Variants in NKAIN3 observed in about 807,000 individuals in gnomAD.
NKAIN3 encodes the protein sodium/potassium-transporting ATPase subunit beta-1-interacting protein 3.
In NKAIN3, 25 loss-of-function variants were observed where a neutral mutation model predicts 30.2. The ratio of observed to expected loss-of-function variants is 0.83; its 90% CI spans 0.60 to 1.16. The LOEUF is 1.16. Ranked by LOEUF, NKAIN3 falls within the 50% of genes most tolerant of loss-of-function variation. The pLI is 0.00. For synonymous variants in NKAIN3, 91 were observed against 89.6 expected (o/e 1.02, Z -0.09); for missense variants, 225 against 254.1 (o/e 0.89, Z 0.78).
At chr8:62,723,560 G>A (rs1356252358) in intron 3 of NKAIN3, among the ~76,000 whole-genome samples, 1 of 152,098 alleles carries the variant, frequency 6.6e-6, no homozygotes, top group African/African-American at 2.4e-5. Flanking sequence ...GAAACTGCAG[G>A]TGTTTAAAAC....
chr8:62,593,285 AATC>A (rs573381307), intron 3 of NKAIN3, among the ~76,000 whole-genome samples: 46 of 152,106 alleles, frequency 3.0e-4, no homozygotes, highest in Middle Eastern at 6.8e-3. Context: ...ATAATTCACA[AATC>A]AAAGAAGAAA....
intron 4 of NKAIN3, among the ~76,000 whole-genome samples, chr8:62,830,486 C>A (rs950130276): frequency 6.6e-6 from 1 of 152,170 alleles, no homozygotes; most frequent in East Asian, 1.9e-4. Context: ...TAGACTCCTG[C>A]ACATTATAAG....
intron 4 of NKAIN3, among the ~76,000 whole-genome samples, chr8:62,814,436 C>T (rs1464541463): frequency 6.6e-6 from 1 of 151,812 alleles, no homozygotes; most frequent in Non-Finnish European, 1.5e-5. Flanking sequence ...ACATTTTTTT[C>T]AGCACCATGC....
chr8:62,505,524 T>C (rs1271249501), intron 1 of NKAIN3, among the ~76,000 whole-genome samples: 1 of 152,154 alleles, frequency 6.6e-6, no homozygotes, highest in Admixed American at 6.5e-5. Flanking sequence ...AGCATGGTTT[T>C]ATATGACTGT....
chr8:62,788,164 A>C (rs1268891867), intron 4 of NKAIN3, among the ~76,000 whole-genome samples: 1 of 152,198 alleles, frequency 6.6e-6, no homozygotes, highest in African/African-American at 2.4e-5. Context: ...ACAGTGTAAA[A>C]GTGTTCCTAT....
intron 1 of NKAIN3, among the ~76,000 whole-genome samples, chr8:62,427,477 G>A (rs995390983): frequency 6.6e-5 from 10 of 151,892 alleles, no homozygotes; most frequent in Non-Finnish European, 1.3e-4. Context: ...AAAATGTTCT[G>A]AAAGAAAATT....
At chr8:62,865,719 A>G (rs191080014) in intron 4 of NKAIN3, among the ~76,000 whole-genome samples, 181 of 152,350 alleles carry the variant, frequency 1.2e-3, no homozygotes, top group African/African-American at 4.2e-3. Context: ...AGTTGGAACC[A>G]AGAAATAGCA....
At chr8:62,489,825 C>A (rs905032189) in intron 1 of NKAIN3, among the ~76,000 whole-genome samples, 1 of 152,114 alleles carries the variant, frequency 6.6e-6, no homozygotes, top group Non-Finnish European at 1.5e-5. Context: ...TTGGTGGATA[C>A]GTGGAGCAGT....
intron 1 of NKAIN3, among the ~76,000 whole-genome samples, chr8:62,389,437 GA>G (rs1410124309): frequency 6.6e-6 from 1 of 152,142 alleles, no homozygotes. Flanking sequence ...GCCAAAGTAG[GA>G]AATGAAAAGA....
At position 62,545,672 on chromosome 8, in the gene NKAIN3, A is replaced by C. The variant is rs910040195; in HGVS notation, c.55-33867A>C. 1.5e-4 allele frequency among the ~76,000 whole-genome samples: 23 copies of C among 152,318 alleles called. No homozygotes were observed. The South Asian group carries it at 1.9e-3, about 12-fold the overall frequency. On this transcript the variant is annotated intron_variant, in intron 1 of 6. Coordinates refer to ENST00000623646, the MANE Select transcript of NKAIN3 (RefSeq NM_001304533.3). Reference sequence around the variant, plus strand: ...AGACTGCATGGAATTGATGTGCAATAATTTATGTAAAAACTCTCCAATTGA... The same window carrying C: ...AGACTGCATGGAATTGATGTGCAATCATTTATGTAAAAACTCTCCAATTGA...
At chr8:62,550,118 A>C (rs1809150429) in intron 1 of NKAIN3, among the ~76,000 whole-genome samples, 1 of 152,040 alleles carries the variant, frequency 6.6e-6, no homozygotes, top group South Asian at 2.1e-4. Flanking sequence ...TAGCACTGTC[A>C]ATCATGTAGC....
At chr8:62,747,238 C>T (rs750542682) in intron 4 of NKAIN3, 109 bp downstream of exon 4, 18 of 663,314 alleles carry the variant, frequency 2.7e-5, no homozygotes, top group Admixed American at 1.0e-4. Context: ...CAGAGAACAT[C>T]CAACAGAAAT....
chr8:62,629,636 C>A (rs568323687), intron 3 of NKAIN3, among the ~76,000 whole-genome samples: 1 of 152,146 alleles, frequency 6.6e-6, no homozygotes, highest in Admixed American at 6.6e-5. Context: ...AATAAGTAGG[C>A]AAATACATGC....
At chr8:62,366,758 T>A (rs1816752313) in intron 1 of NKAIN3, among the ~76,000 whole-genome samples, 1 of 152,168 alleles carries the variant, frequency 6.6e-6, no homozygotes, top group Non-Finnish European at 1.5e-5. Flanking sequence ...TTGTTTTTTT[T>A]CTTGTTCCTT....
At chr8:62,297,524 A>G (rs999833847) in intron 1 of NKAIN3, among the ~76,000 whole-genome samples, 18 of 152,146 alleles carry the variant, frequency 1.2e-4, no homozygotes, top group African/African-American at 4.3e-4. Context: ...ACATGAACAG[A>G]CACTTCTCAA....
chr8:62,937,386 C>T (rs916923432), intron 5 of NKAIN3, among the ~76,000 whole-genome samples: 3 of 152,114 alleles, frequency 2.0e-5, no homozygotes, highest in African/African-American at 7.3e-5. Context: ...TGTCTGTTTC[C>T]AACCACACAT....
intron 5 of NKAIN3, 119 bp downstream of exon 5, chr8:62,918,632 C>G: frequency 1.4e-6 from 1 of 710,384 alleles, no homozygotes; most frequent in Non-Finnish European, 2.4e-6. Context: ...AATGATTGAA[C>G]TCAGCACACT....
chr8:62,712,885 C>A (rs1416912411), intron 3 of NKAIN3, among the ~76,000 whole-genome samples: 1 of 152,238 alleles, frequency 6.6e-6, no homozygotes, highest in Non-Finnish European at 1.5e-5. Context: ...GGGAACCCAG[C>A]CAGTTCCCAG....
At chr8:62,408,204 A>T (rs1804135110) in intron 1 of NKAIN3, among the ~76,000 whole-genome samples, 2 of 152,246 alleles carry the variant, frequency 1.3e-5, no homozygotes, top group South Asian at 4.1e-4. Flanking sequence ...CTACTTATTC[A>T]TCACATTACT....
Sources: gnomAD v4.1 joint callset for allele counts (sites outside exome capture counted in the v4.1 genomes callset) on GRCh38, gnomAD v4.1.1 for gene constraint, MANE v1.5 for transcripts, NCBI Gene and HGNC (gene_info 2026-07-23, HGNC 2026-07-21) for gene names.